Variants in CDC40 observed in about 807,000 individuals in gnomAD.
The protein encoded by CDC40 is pre-mRNA-processing factor 17.
In CDC40, 27 loss-of-function variants were observed where a neutral mutation model predicts 80.6. That is an observed-to-expected ratio of 0.33 (90% CI 0.25 to 0.46). The LOEUF is 0.46. Ranked by LOEUF, CDC40 falls within the 20% of genes least tolerant of loss-of-function variation. CDC40 has a pLI of 1.00. For synonymous variants in CDC40, 221 were observed against 232.6 expected (o/e 0.95, Z 0.45); for missense variants, 486 against 694.1 (o/e 0.70, Z 3.37).
At chr6:110,219,142 A>T (rs1263017303) in intron 10 of CDC40, among the ~76,000 whole-genome samples, 1 of 152,134 alleles carries the variant, frequency 6.6e-6, no homozygotes, top group African/African-American at 2.4e-5. Context: ...ATGAAGTTAT[A>T]ATTTATTTAT....
chr6:110,218,381 A>T (rs1777726938), intron 10 of CDC40, among the ~76,000 whole-genome samples: 1 of 152,208 alleles, frequency 6.6e-6, no homozygotes, highest in Admixed American at 6.5e-5. Flanking sequence ...TGTTTATTAA[A>T]CATCATTTAA....
Position 110,181,122 on chromosome 6 carries a change from G to A in CDC40, c.189+489G>A, listed in dbSNP as rs61499676. Among the ~76,000 whole-genome samples the A allele has an allele frequency of 2.3e-3, 349 of 152,294 alleles. 1 individual carries two copies. Among genetic ancestry groups the A allele is most frequent in the African/African-American group, 8.1e-3 (337 of 41,574 alleles). On this transcript the variant is annotated intron_variant, in intron 1 of 14. Transcript: ENST00000307731. ...TCATTTTCAAAACATCTGTCTACAT[G>A]AAAAGATGAGTGTGAAAATTGAGTG...
At chr6:110,185,514 C>CT (rs1454252363) in intron 1 of CDC40, among the ~76,000 whole-genome samples, 5 of 152,170 alleles carry the variant, frequency 3.3e-5, no homozygotes, top group Non-Finnish European at 7.4e-5. Context: ...AGTGCTGGAT[C>CT]TTTTTTTCTT....
At chr6:110,211,707 G>C (rs1389406547) in intron 6 of CDC40, 1 of 153,202 alleles carries the variant, frequency 6.5e-6, no homozygotes, top group Non-Finnish European at 1.5e-5. Flanking sequence ...AGGAAAGCAG[G>C]GGAAAAGGAT....
At chr6:110,193,374 T>C (rs555474469) in intron 2 of CDC40, 106 bp downstream of exon 2, 10 of 656,458 alleles carry the variant, frequency 1.5e-5, no homozygotes, top group African/African-American at 1.5e-4. Flanking sequence ...ATAAGCATAC[T>C]ATTTAAGTTT....
At chr6:110,229,587 A>C (rs1397552020) in intron 14 of CDC40, among the ~76,000 whole-genome samples, 9 of 152,168 alleles carry the variant, frequency 5.9e-5, no homozygotes, top group Non-Finnish European at 1.2e-4. Flanking sequence ...TAATTATGAA[A>C]GTGTTAGAGC....
At chr6:110,225,690 C>A (rs141166654) in intron 12 of CDC40, among the ~76,000 whole-genome samples, 2 of 152,284 alleles carry the variant, frequency 1.3e-5, no homozygotes, top group East Asian at 1.9e-4. Context: ...AATAACACTT[C>A]CCCATAGGCT....
chr6:110,192,379 G>A (rs1777363183), intron 1 of CDC40, among the ~76,000 whole-genome samples: 1 of 152,224 alleles, frequency 6.6e-6, no homozygotes, highest in Admixed American at 6.5e-5. Flanking sequence ...GAAAACTCCA[G>A]ATTTTTGCCT....
At chr6:110,193,023 C>T (rs1777371817) in intron 1 of CDC40, among the ~76,000 whole-genome samples, 159 bp from the exon 2 acceptor site, 1 of 151,974 alleles carries the variant, frequency 6.6e-6, no homozygotes, top group African/African-American at 2.4e-5. Context: ...TGTATTTTAA[C>T]CTCTAACTGT....
intron 7 of CDC40, 26 bp from the exon 8 acceptor site, chr6:110,213,060 T>G (rs925723367): frequency 6.9e-7 from 1 of 1,459,770 alleles, no homozygotes; most frequent in African/African-American, 1.4e-5. Flanking sequence ...ATGCTTCTGG[T>G]TGATAACTGT....
At position 110,231,538 on chromosome 6, in the gene CDC40, TC is replaced by T. The variant is rs1446048293; in HGVS notation, c.*1408del. ...AAGATAACCTCTTGAATGTAATAGC[TC>T]ATAGCACTTTAATTTGGCAAGCCAT... On this transcript the variant is annotated 3_prime_UTR_variant, in exon 15 of 15. Transcript: ENST00000307731. 6.6e-6 allele frequency: 1 copy of T among 152,222 alleles called. No homozygotes were observed. The highest frequency in any genetic ancestry group is 1.9e-4 in the East Asian group (1 of 5,204). The allele number at this position is 152,222 out of a possible 1,614,324, so 9.4% of individuals were successfully genotyped here.
At chr6:110,202,007 G>A (rs1777499324) in intron 3 of CDC40, among the ~76,000 whole-genome samples, 1 of 152,104 alleles carries the variant, frequency 6.6e-6, no homozygotes, top group Non-Finnish European at 1.5e-5. Context: ...GTTAAAGTTG[G>A]CAAATGAAAA....
At position 110,221,797 on chromosome 6, in the gene CDC40, G is replaced by C. The variant is rs186613267; in HGVS notation, c.1340+1928G>C. Reference sequence around the variant, plus strand: ...AGGGCTTAAGGACATGTGTATGTGGGTATTCTGAAGTAAAACATTGGTCAG... The same window carrying C: ...AGGGCTTAAGGACATGTGTATGTGGCTATTCTGAAGTAAAACATTGGTCAG... On this transcript the variant is annotated intron_variant, in intron 12 of 14. Coordinates refer to ENST00000307731, the MANE Select transcript of CDC40 (RefSeq NM_015891.3). Among the ~76,000 whole-genome samples, 30 of 151,720 alleles carry C rather than the reference G, an allele frequency of 2.0e-4. No individual in the cohort carries two copies. In the East Asian group the frequency reaches 5.6e-3, roughly 28 times the overall value.
intron 3 of CDC40, among the ~76,000 whole-genome samples, chr6:110,205,917 A>G (rs925855125): frequency 6.6e-6 from 1 of 152,106 alleles, no homozygotes; most frequent in Non-Finnish European, 1.5e-5. Context: ...CAGAGATTCT[A>G]CTCCAAAGGC....
At chr6:110,228,684 T>A in intron 13 of CDC40, 148 bp from the exon 14 acceptor site, 1 of 563,122 alleles carries the variant, frequency 1.8e-6, no homozygotes, top group South Asian at 2.9e-5. Context: ...TTATAACATT[T>A]TACAGGTGGT....
chr6:110,207,689 G>A lies in CDC40; in HGVS notation c.490+100G>A, dbSNP rs142454159. On this transcript the variant is annotated intron_variant, in intron 4 of 14. Coordinates refer to ENST00000307731, the MANE Select transcript of CDC40 (RefSeq NM_015891.3). ...TAGACAGTAAAAAATAGTATTTAGC[G>A]CTTTTTTTTTTAAAGTTGAAACAAT... The A allele has an allele frequency of 1.0e-4, 69 of 687,546 alleles. No homozygotes were observed. In the East Asian group the frequency reaches 1.4e-3, roughly 13 times the overall value. The allele number at this position is 687,546 out of a possible 1,614,324, so 42.6% of individuals were successfully genotyped here. A position where few individuals can be genotyped will look rare whatever the true frequency, so the allele number is the denominator to read the frequency against.
intron 13 of CDC40, among the ~76,000 whole-genome samples, chr6:110,227,965 C>G (rs73537964): frequency 4.6e-4 from 70 of 152,272 alleles, no homozygotes; most frequent in African/African-American, 1.7e-3. Context: ...AAGGGTACTT[C>G]TGAGAAATGC....
intron 8 of CDC40, among the ~76,000 whole-genome samples, 196 bp downstream of exon 8, chr6:110,213,356 GC>G (rs1440195420): frequency 6.6e-6 from 1 of 151,666 alleles, no homozygotes; most frequent in Non-Finnish European, 1.5e-5. Flanking sequence ...AATTGGCTAG[GC>G]CCCTTTTTTT....
chr6:110,182,902 T>TA (rs1220678423), intron 1 of CDC40, among the ~76,000 whole-genome samples: 13 of 152,246 alleles, frequency 8.5e-5, no homozygotes, highest in African/African-American at 2.4e-5. Flanking sequence ...AAATTCCACT[T>TA]ACATCGTATC....
Sources: allele counts gnomAD v4.1 joint callset (sites outside exome capture counted in the v4.1 genomes callset), GRCh38; gene constraint gnomAD v4.1.1; transcripts MANE v1.5; gene names NCBI Gene and HGNC (gene_info 2026-07-23, HGNC 2026-07-21).